ZNF492: variants seen among roughly 807,000 people sequenced by gnomAD.
ZNF492 encodes the protein zinc finger protein 115 (Y20).
In ZNF492, 3 loss-of-function variants were observed where a neutral mutation model predicts 6.4. The ratio of observed to expected loss-of-function variants is 0.47; its 90% confidence interval spans 0.21 to 1.22. ZNF492 has a LOEUF of 1.22. Among genes scored for constraint, ZNF492 ranks in the 50% most tolerant of loss-of-function variants. ZNF492 has a pLI of 0.22. For missense variants in ZNF492, 356 were observed against 612.5 expected, an observed-to-expected ratio of 0.58 and a Z score of 4.42; for synonymous variants, 112 against 205.3, an observed-to-expected ratio of 0.55 and a Z score of 3.89.
In ZNF492 at chr19:22,665,518, G is replaced by T. The variant is rs554723749; in HGVS notation, c.*253G>T. The T allele has an allele frequency of 1.3e-5, 9 of 667,790 alleles. No homozygotes were observed. The South Asian group carries it at 2.3e-4, about 17-fold the overall frequency. The allele number at this position is 667,790 out of a possible 1,614,324, so 41.4% of individuals were successfully genotyped here. A position where few individuals can be genotyped will look rare whatever the true frequency, so the allele number is the denominator to read the frequency against. On this transcript the variant is annotated 3_prime_UTR_variant, in exon 4 of 4. Coordinates refer to ENST00000456783, the MANE Select transcript of ZNF492 (RefSeq NM_020855.3). The stretch of plus-strand genomic sequence containing the variant: ...AGTTTATATTAATAGCATTAAAAGT[G>T]CAATTACTGTCAAAAGAGTTCAAAA...
At chr19:22,663,512 T>C (rs529522987) in intron 3 of ZNF492, among the ~76,000 whole-genome samples, 5 of 152,274 alleles carry the variant, frequency 3.3e-5, no homozygotes, top group African/African-American at 1.2e-4. Flanking sequence ...CTATGTTATA[T>C]AGGGAAGCAG....
intron 1 of ZNF492, among the ~76,000 whole-genome samples, chr19:22,645,071 G>A (rs1176038846): frequency 2.0e-5 from 3 of 151,470 alleles, no homozygotes; most frequent in Non-Finnish European, 4.4e-5. Context: ...TTTTGAGATG[G>A]AGTCTTGCTC....
chr19:22,650,945 C>T (rs1222215338), intron 1 of ZNF492, among the ~76,000 whole-genome samples: 2 of 152,166 alleles, frequency 1.3e-5, no homozygotes, highest in Non-Finnish European at 2.9e-5. Flanking sequence ...GGTCACCCCT[C>T]CCCTGGGAAC....
In ZNF492 at chr19:22,634,330, GTC is replaced by G; in HGVS notation, c.-233_-232del. ...GCTTCCGGGATGTGGCGGGGTCTTT[GTC>G]TCTCGCTGCAGTCGGAGTATGGTCT... On this transcript the variant is annotated 5_prime_UTR_variant, in exon 1 of 4. Coordinates refer to ENST00000456783, the MANE Select transcript of ZNF492 (RefSeq NM_020855.3). 1.1e-6 allele frequency: 1 copy of G among 927,560 alleles called. No homozygotes were observed. Among genetic ancestry groups the G allele is most frequent in the Non-Finnish European group, 1.6e-6 (1 of 620,000 alleles). The allele number at this position is 927,560 out of a possible 1,614,324, so 57.5% of individuals were successfully genotyped here. A position where few individuals can be genotyped will look rare whatever the true frequency, so the allele number is the denominator to read the frequency against.
chr19:22,635,245 AC>A (rs1415846407), intron 1 of ZNF492, among the ~76,000 whole-genome samples: 3 of 152,136 alleles, frequency 2.0e-5, no homozygotes, highest in African/African-American at 7.2e-5. Flanking sequence ...ATTTGCCGCC[AC>A]ATGGGGCTGA....
At chr19:22,653,862 C>T in intron 2 of ZNF492, 58 bp from the exon 3 acceptor site, 3 of 1,523,634 alleles carry the variant, frequency 2.0e-6, no homozygotes, top group Non-Finnish European at 2.6e-6. Flanking sequence ...TCTGAACACA[C>T]TACTAAATTG....
chr19:22,647,143 G>A (rs539514110), intron 1 of ZNF492, among the ~76,000 whole-genome samples: 9 of 151,828 alleles, frequency 5.9e-5, no homozygotes, highest in East Asian at 2.0e-4. Flanking sequence ...TGCCTGCCTC[G>A]GCCTCCCAAA....
chr19:22,663,101 T>G (rs1455263015), intron 3 of ZNF492, among the ~76,000 whole-genome samples: 8 of 152,184 alleles, frequency 5.3e-5, no homozygotes, highest in Admixed American at 1.3e-4. Flanking sequence ...CATCTTGAAT[T>G]AATTTTTGTA....
chr19:22,652,991 A>C (rs1971957189), intron 1 of ZNF492, among the ~76,000 whole-genome samples: 1 of 151,916 alleles, frequency 6.6e-6, no homozygotes, highest in Admixed American at 6.5e-5. Flanking sequence ...AAAAATTTAC[A>C]CAACTTATTC....
At chr19:22,659,696 C>T (rs1313016373) in intron 3 of ZNF492, among the ~76,000 whole-genome samples, 2 of 141,904 alleles carry the variant, frequency 1.4e-5, no homozygotes, top group African/African-American at 2.6e-5. Context: ...GACAGAGTCT[C>T]ACTCTGTGTC....
In ZNF492 at chr19:22,665,036, A is replaced by G. The variant is rs1424886872; in HGVS notation, c.1367A>G (p.Lys456Arg). ...EKPYKYEECG[K>R]AFNQSSHLTT... is the part of the protein sequence containing the mutation. ...CCCTACAAATATGAAGAATGTGGCA[A>G]AGCTTTTAACCAGTCCTCACACCTT... The change falls in exon 4 of 4, where the codon AAA (lysine) becomes AGA (arginine). Residue 456 changes from lysine to arginine, a missense_variant. By Grantham distance (26) the Lys-to-Arg change is conservative. This residue lies in a region of ZNF492 where 81 missense variants were observed against 115.4 expected (regional missense o/e 0.70). Transcript: ENST00000456783. 6.3e-6 allele frequency: 10 copies of G among 1,589,790 alleles called. No individual in the cohort carries two copies. The highest frequency in any genetic ancestry group is 1.7e-4 in the Middle Eastern group (1 of 5,930).
chr19:22,658,603 G>A (rs1366594128), intron 3 of ZNF492, among the ~76,000 whole-genome samples: 1 of 140,102 alleles, frequency 7.1e-6, no homozygotes. Context: ...TTTGTGGCTG[G>A]CTCATTTTAT....
At chr19:22,663,210 G>A (rs1329335219) in intron 3 of ZNF492, among the ~76,000 whole-genome samples, 2 of 151,840 alleles carry the variant, frequency 1.3e-5, no homozygotes, top group African/African-American at 4.8e-5. Context: ...CCCATTTCTT[G>A]TGTTTTGTCA....
intron 1 of ZNF492, among the ~76,000 whole-genome samples, chr19:22,643,867 G>A (rs906116468): frequency 2.6e-5 from 4 of 152,140 alleles, no homozygotes; most frequent in African/African-American, 9.7e-5. Context: ...GTGCACTAAA[G>A]GGTAGTCCTA....
Position 22,635,879 on chromosome 19 carries a change from A to T in ZNF492, c.-94+1405A>T, listed in dbSNP as rs199604751. On this transcript the variant is annotated intron_variant, in intron 1 of 3. Transcript: ENST00000456783. ...AAAAGATGAATCTCTTTTAACTTTT[A>T]TTTTTGGTTCAGGGGTACACATGCA... 2.0e-4 allele frequency among the ~76,000 whole-genome samples: 30 copies of T among 152,264 alleles called. No individual in the cohort carries two copies. The East Asian group carries it at 5.4e-3, about 27-fold the overall frequency.
At chr19:22,647,932 A>G (rs1389945507) in intron 1 of ZNF492, among the ~76,000 whole-genome samples, 1 of 151,656 alleles carries the variant, frequency 6.6e-6, no homozygotes, top group Non-Finnish European at 1.5e-5. Flanking sequence ...GGGTTTTGAC[A>G]TATTGGCCAG....
At chr19:22,646,171 T>C (rs1971875572) in intron 1 of ZNF492, among the ~76,000 whole-genome samples, 1 of 152,246 alleles carries the variant, frequency 6.6e-6, no homozygotes, top group South Asian at 2.1e-4. Flanking sequence ...TGTTTTTCCA[T>C]TTGATTGTGT....
intron 1 of ZNF492, 102 bp downstream of exon 1, chr19:22,634,576 A>G (rs1015695911): frequency 2.6e-5 from 30 of 1,155,692 alleles, no homozygotes; most frequent in Non-Finnish European, 3.4e-5. Context: ...AGTCGGCTCC[A>G]CAATCTGCGC....
chr19:22,652,572 A>G (rs1309824025), intron 1 of ZNF492, among the ~76,000 whole-genome samples: 1 of 146,832 alleles, frequency 6.8e-6, no homozygotes, highest in East Asian at 2.1e-4. Context: ...TTTTATTCCA[A>G]ATTTTCTTTT....
Sources: gnomAD v4.1 joint callset for allele counts (sites outside exome capture counted in the v4.1 genomes callset) on GRCh38, gnomAD v4.1.1 for gene constraint, gnomAD v4.1.1 regional missense constraint, MANE v1.5 for transcripts, NCBI Gene and HGNC (gene_info 2026-07-23, HGNC 2026-07-21) for gene names.